PRELID3A: variants seen among roughly 807,000 people sequenced by gnomAD.
The protein encoded by PRELID3A is PRELI domain containing 3A.
In PRELID3A, 27 loss-of-function variants were observed where a neutral mutation model predicts 23.0. The ratio of observed to expected loss-of-function variants is 1.17; its 90% CI spans 0.87 to 1.62. The LOEUF is 1.62. Ranked by LOEUF, PRELID3A falls within the 40% of genes most tolerant of loss-of-function variation. The probability of loss-of-function intolerance (pLI) is 0.00; values close to 1 mark genes in which losing one functional copy is unlikely to be tolerated. For missense variants in PRELID3A, 231 were observed against 231.4 expected (o/e 1.00, Z 0.01); for synonymous variants, 87 against 86.4 (o/e 1.01, Z -0.04).
At chr18:12,410,496 G>A (rs1470971476) in intron 1 of PRELID3A, among the ~76,000 whole-genome samples, 1 of 152,188 alleles carries the variant, frequency 6.6e-6, no homozygotes, top group Non-Finnish European at 1.5e-5. Flanking sequence ...ACCATGAGGT[G>A]TCATAGCATC....
intron 1 of PRELID3A, among the ~76,000 whole-genome samples, chr18:12,414,650 C>CG (rs1223995046): frequency 6.6e-6 from 1 of 152,082 alleles, no homozygotes; most frequent in Non-Finnish European, 1.5e-5. Flanking sequence ...TGCTTGAACC[C>CG]GGGAGGTGGA....
rs762788670 is a variant in PRELID3A at position 12,407,981 on chromosome 18, G to A, written c.6G>A (p.Lys2=). The part of the protein sequence containing the change: M[K]IWSSEHVFGH... ...CGCGCCCTGCGCCGGCGGCAATGAA[G>A]ATCTGGAGCTCGGAGCACGTGTTTG... The change falls in exon 1 of 7, where the codon AAG becomes AAA. Residue 2 remains lysine (K), a synonymous_variant. Transcript: ENST00000440960. 6.9e-6 allele frequency: 9 copies of A among 1,299,822 alleles called. No individual in the cohort carries two copies. Among genetic ancestry groups the A allele is most frequent in the South Asian group, 2.5e-5 (1 of 40,768 alleles). 80.5% of individuals were successfully genotyped at this position (1,299,822 alleles called of 1,614,324 possible). A position where few individuals can be genotyped will look rare whatever the true frequency, so the allele number is the denominator to read the frequency against.
intron 3 of PRELID3A, among the ~76,000 whole-genome samples, chr18:12,423,930 C>A (rs948349729): frequency 2.6e-5 from 4 of 152,232 alleles, no homozygotes; most frequent in Admixed American, 2.6e-4. Context: ...CCCCAGGATG[C>A]TCAGTGCTGT....
rs1213969623 is a variant in PRELID3A at position 12,431,547 on chromosome 18, TCCGCCC to T, written c.*435_*440del. On this transcript the variant is annotated 3_prime_UTR_variant, in exon 7 of 7. Transcript: ENST00000440960. ...GGCGGGTGTGCCGCCCTCCAGCCTC[TCCGCCC>T]CCGTCCCCTCGGTCCTGCAGATCAC... The T allele has an allele frequency of 1.6e-5, 2 of 121,570 alleles. No individual in the cohort carries two copies. The highest frequency in any genetic ancestry group is 3.4e-5 in the Non-Finnish European group (2 of 59,664). 7.5% of individuals were successfully genotyped at this position (121,570 alleles called of 1,614,324 possible). A position where few individuals can be genotyped will look rare whatever the true frequency, so the allele number is the denominator to read the frequency against.
At chr18:12,411,972 G>A (rs1453934090) in intron 1 of PRELID3A, among the ~76,000 whole-genome samples, 7 of 150,184 alleles carry the variant, frequency 4.7e-5, no homozygotes, top group Admixed American at 2.7e-4. Context: ...GTGCAGGGGC[G>A]CAGTCTCGGC....
chr18:12,430,428 TTGTGTGCTG>T (rs56169490), intron 6 of PRELID3A, among the ~76,000 whole-genome samples: 63,533 of 149,776 alleles, frequency 0.42, 14,913 homozygotes, highest in Middle Eastern at 0.68. Context: ...TGTTGCATGT[TTGTGTGCTG>T]TGTGTGCTGT....
At chr18:12,414,756 A>T (rs1044316366) in intron 1 of PRELID3A, among the ~76,000 whole-genome samples, 3 of 151,694 alleles carry the variant, frequency 2.0e-5, no homozygotes, top group African/African-American at 7.3e-5. Flanking sequence ...CCCCCACCAA[A>T]AGAAAAGGTC....
At position 12,427,346 on chromosome 18, in the gene PRELID3A, T is replaced by G. The variant is rs377470213; in HGVS notation, c.465+23T>G. 4.0e-6 allele frequency: 6 copies of G among 1,499,214 alleles called. No homozygotes were observed. The African/African-American group carries it at 8.3e-5, about 21-fold the overall frequency. The allele number at this position is 1,499,214 out of a possible 1,614,324, so 92.9% of individuals were successfully genotyped here. On this transcript the variant is annotated intron_variant, in intron 5 of 6. Transcript: ENST00000440960. Reference sequence around the variant, plus strand: ...AAGGTATGTATCTCAATCCTAGGAGTCCTGTGTGTGCTCTAGTTGTTAAGT... The same window carrying G: ...AAGGTATGTATCTCAATCCTAGGAGGCCTGTGTGTGCTCTAGTTGTTAAGT...
At chr18:12,412,262 A>T (rs528957256) in intron 1 of PRELID3A, among the ~76,000 whole-genome samples, 1 of 148,328 alleles carries the variant, frequency 6.7e-6, no homozygotes, top group East Asian at 2.0e-4. Context: ...ATCTCAGTTC[A>T]CTGCAACCTC....
chr18:12,418,651 G>A (rs1234097518), intron 1 of PRELID3A, among the ~76,000 whole-genome samples: 1 of 152,204 alleles, frequency 6.6e-6, no homozygotes, highest in Non-Finnish European at 1.5e-5. Flanking sequence ...CCTTGCAGGA[G>A]GCTCAGAGGC....
chr18:12,422,565 G>A (rs1476975851), intron 3 of PRELID3A, among the ~76,000 whole-genome samples: 2 of 151,756 alleles, frequency 1.3e-5, no homozygotes, highest in African/African-American at 4.8e-5. Context: ...CACCATGTTG[G>A]TCAGGCTGGT....
intron 1 of PRELID3A, among the ~76,000 whole-genome samples, chr18:12,416,897 G>A (rs983839443): frequency 6.6e-5 from 10 of 151,870 alleles, no homozygotes; most frequent in African/African-American, 1.5e-4. Context: ...CACCAGCCTC[G>A]GCCTCCCAAA....
In PRELID3A at chr18:12,420,375, C is replaced by T; in HGVS notation, c.83C>T (p.Pro28Leu). 22 of 1,611,402 alleles carry T rather than the reference C, an allele frequency of 1.4e-5. No homozygotes were observed. The highest frequency in any genetic ancestry group is 1.7e-5 in the Non-Finnish European group (20 of 1,179,314). Residue 28 changes from proline (P) to leucine (L), a missense_variant, in exon 2 of 7, where the codon CCG (proline) becomes CTG (leucine). Physicochemically the swap from Pro to Leu is moderately conservative, Grantham distance 98. Transcript: ENST00000440960. ...IQAAMRKYPN[P>L]MNPSVLGVDV... is the part of the protein sequence containing the mutation. ...GCGGCCATGCGCAAGTACCCGAACC[C>T]GATGAACCCGAGCGTGCTGGGCGTG...
chr18:12,426,924 A>C (rs2030397667), intron 3 of PRELID3A, 117 bp from the exon 4 acceptor site: 1 of 706,646 alleles, frequency 1.4e-6, no homozygotes, highest in Non-Finnish European at 2.5e-6. Flanking sequence ...CCTATGCCTA[A>C]AAGTTTCTTC....
chr18:12,412,179 G>C (rs1262092598), intron 1 of PRELID3A, among the ~76,000 whole-genome samples: 7 of 142,134 alleles, frequency 4.9e-5, no homozygotes, highest in Admixed American at 7.0e-5. Flanking sequence ...CATGAGCCAC[G>C]GCGCCCGGCC....
chr18:12,429,456 A>T lies in PRELID3A; in HGVS notation c.*33+20A>T. 6.6e-7 allele frequency: 1 copy of T among 1,519,682 alleles called. No individual in the cohort carries two copies. 94.1% of individuals were successfully genotyped at this position (1,519,682 alleles called of 1,614,324 possible). A position where few individuals can be genotyped will look rare whatever the true frequency, so the allele number is the denominator to read the frequency against. ...ATGGTGGTGAGTACAGTATTCACTC[A>T]CCTGGGGGGGTACTTGCAGCCTCTT... is the stretch of plus-strand genomic sequence containing the variant. On this transcript the variant is annotated intron_variant, in intron 6 of 6. Coordinates refer to ENST00000440960, the MANE Select transcript of PRELID3A (RefSeq NM_001142405.2).
intron 1 of PRELID3A, among the ~76,000 whole-genome samples, chr18:12,413,579 CTTTA>C (rs909348004): frequency 6.6e-6 from 1 of 152,036 alleles, no homozygotes; most frequent in Non-Finnish European, 1.5e-5. Context: ...TCAATTATCA[CTTTA>C]TTTATTTATT....
intron 5 of PRELID3A, among the ~76,000 whole-genome samples, chr18:12,428,013 G>A (rs2030435071): frequency 6.6e-6 from 1 of 152,196 alleles, no homozygotes; most frequent in Admixed American, 6.5e-5. Context: ...GTGTCAGGTA[G>A]GCTATTCAGG....
chr18:12,422,883 A>G lies in PRELID3A; in HGVS notation c.291+1254A>G, dbSNP rs116056153. Among the ~76,000 whole-genome samples, 1,410 of 152,312 alleles carry G rather than the reference A, an allele frequency of 9.3e-3. 30 individuals are homozygous for G. The highest frequency in any genetic ancestry group is 0.033 in the African/African-American group (1,373 of 41,562). On this transcript the variant is annotated intron_variant, in intron 3 of 6. Transcript: ENST00000440960. ...CATCTGGCCTCACTTTTCTGTCCCC[A>G]GTGCCATGGTTGGCTCTAGCCACCA...
Sources: gnomAD v4.1 joint callset for allele counts (sites outside exome capture counted in the v4.1 genomes callset) on GRCh38, gnomAD v4.1.1 for gene constraint, MANE v1.5 for transcripts, NCBI Gene and HGNC (gene_info 2026-07-23, HGNC 2026-07-21) for gene names.